Variants in BBS9 observed in about 807,000 individuals in gnomAD.
The protein encoded by BBS9 is Bardet-Biedl syndrome 9, also known as protein PTHB1.
A neutral mutation model predicts 117.7 loss-of-function variants in BBS9; 89 were observed. The ratio of observed to expected loss-of-function variants is 0.76; its 90% CI spans 0.64 to 0.90. The LOEUF is 0.90. BBS9 is among the 40% of genes least tolerant of loss of function. The pLI is 0.00. For missense variants in BBS9, 982 were observed against 1,042.2 expected (o/e 0.94, Z 0.80); for synonymous variants, 379 against 370.9 (o/e 1.02, Z -0.25).
At chr7:33,394,327 A>G (rs557879790) in intron 19 of BBS9, among the ~76,000 whole-genome samples, 1 of 152,226 alleles carries the variant, frequency 6.6e-6, no homozygotes, top group Admixed American at 6.5e-5. Flanking sequence ...AGATATTCTC[A>G]CTTAAAAGTG....
At chr7:33,357,173 T>A (rs906088576) in intron 15 of BBS9, among the ~76,000 whole-genome samples, 3 of 151,828 alleles carry the variant, frequency 2.0e-5, no homozygotes, top group Admixed American at 1.3e-4. Context: ...TATGCATGTA[T>A]GAGTATTAAA....
At chr7:33,138,743 T>G (rs1466005408) in intron 1 of BBS9, among the ~76,000 whole-genome samples, 1 of 150,720 alleles carries the variant, frequency 6.6e-6, no homozygotes, top group Non-Finnish European at 1.5e-5. Context: ...TAGTGGAGAC[T>G]GGCTAATATT....
intron 19 of BBS9, among the ~76,000 whole-genome samples, chr7:33,408,060 C>G (rs546269346): frequency 1.3e-5 from 2 of 152,354 alleles, no homozygotes; most frequent in South Asian, 2.1e-4. Context: ...CAGAGGCAGG[C>G]AGGCCTCCTG....
intron 1 of BBS9, among the ~76,000 whole-genome samples, chr7:33,137,806 A>G (rs76186476): frequency 0.013 from 1,919 of 152,360 alleles, 38 homozygotes; most frequent in African/African-American, 0.043. Flanking sequence ...ACAATGGTGC[A>G]TGATAACACT....
In BBS9 at chr7:33,216,648, T is replaced by C. The variant is rs897749962; in HGVS notation, c.442+39057T>C. On this transcript the variant is annotated intron_variant, in intron 5 of 22. Coordinates refer to ENST00000242067, the MANE Select transcript of BBS9 (RefSeq NM_198428.3). ...GTTTACAGTGGTTGGCTTTGTCACA[T>C]AGTCATAGTTTGTGGGAGAATCTTG... 4.8e-4 allele frequency among the ~76,000 whole-genome samples: 73 copies of C among 152,344 alleles called. 1 individual carries two copies. The highest frequency in any genetic ancestry group is 6.8e-3 in the Middle Eastern group (2 of 294).
intron 5 of BBS9, among the ~76,000 whole-genome samples, chr7:33,247,441 C>T (rs1583862176): frequency 6.6e-6 from 1 of 152,166 alleles, no homozygotes; most frequent in East Asian, 1.9e-4. Context: ...ACCAGTGTCT[C>T]TCTGCACCCA....
chr7:33,624,200 A>G (rs1009876425), intron 21 of BBS9, among the ~76,000 whole-genome samples: 26 of 152,214 alleles, frequency 1.7e-4, no homozygotes, highest in Non-Finnish European at 4.4e-5. Flanking sequence ...TAAGAAAACA[A>G]TGGCTATTTT....
At chr7:33,163,229 G>T (rs1396293738) in intron 4 of BBS9, among the ~76,000 whole-genome samples, 1 of 152,162 alleles carries the variant, frequency 6.6e-6, no homozygotes, top group Non-Finnish European at 1.5e-5. Context: ...GATTTGGTAT[G>T]CCAGTATTCT....
intron 21 of BBS9, among the ~76,000 whole-genome samples, chr7:33,627,576 G>A (rs533354298): frequency 2.0e-5 from 3 of 152,318 alleles, no homozygotes; most frequent in East Asian, 1.9e-4. Flanking sequence ...ATTCCAGCCC[G>A]TGAAAGCAGC....
intron 19 of BBS9, among the ~76,000 whole-genome samples, chr7:33,413,747 C>T (rs993002368): frequency 5.3e-5 from 8 of 152,120 alleles, no homozygotes; most frequent in Non-Finnish European, 7.4e-5. Context: ...CCAGGCCGGG[C>T]GCAGTGGCTC....
At chr7:33,551,862 T>C (rs557168520) in intron 21 of BBS9, among the ~76,000 whole-genome samples, 81 of 152,308 alleles carry the variant, frequency 5.3e-4, no homozygotes, top group African/African-American at 1.9e-3. Context: ...CATATTGTAT[T>C]ATTTGAGACA....
intron 21 of BBS9, among the ~76,000 whole-genome samples, chr7:33,580,908 A>G (rs373137399): frequency 6.6e-6 from 1 of 152,298 alleles, no homozygotes; most frequent in South Asian, 2.1e-4. Context: ...CTCTCTCTGC[A>G]TTGTGAACCA....
At chr7:33,516,364 C>A (rs1847792426) in intron 20 of BBS9, among the ~76,000 whole-genome samples, 1 of 151,670 alleles carries the variant, frequency 6.6e-6, no homozygotes, top group Non-Finnish European at 1.5e-5. Flanking sequence ...TGGCAGGCAC[C>A]TGTAATCCCA....
chr7:33,336,550 C>G lies in BBS9; in HGVS notation c.1126C>G (p.Leu376Val). The change falls in exon 10 of 23, where the codon CTA becomes GTA. Residue 376 changes from leucine (L) to valine (V), a missense_variant. Coordinates refer to ENST00000242067, the MANE Select transcript of BBS9 (RefSeq NM_198428.3). The stretch of plus-strand genomic sequence containing the variant: ...AGCTCCAAACGTTCAATCTCGAGAA[C>G]TAAACTATGATGAACTTGATGTAGA... ...FQAPNVQSRE[L>V]NYDELDVEMK... The G allele has an allele frequency of 6.2e-7, 1 of 1,613,196 alleles. No individual in the cohort carries two copies.
intron 16 of BBS9, among the ~76,000 whole-genome samples, chr7:33,364,866 C>T (rs1821369950): frequency 6.6e-6 from 1 of 150,894 alleles, no homozygotes. Context: ...GTAGCTGGGA[C>T]TACAGGTGCA....
chr7:33,210,774 G>A (rs1037222081), intron 5 of BBS9, among the ~76,000 whole-genome samples: 2 of 151,874 alleles, frequency 1.3e-5, no homozygotes, highest in African/African-American at 2.4e-5. Flanking sequence ...CCTCTGCCTC[G>A]GTCTCCCAAA....
At chr7:33,559,879 TC>T (rs1855839028) in intron 21 of BBS9, among the ~76,000 whole-genome samples, 1 of 152,140 alleles carries the variant, frequency 6.6e-6, no homozygotes, top group South Asian at 2.1e-4. Flanking sequence ...ATGCATATTC[TC>T]CTTTGTTCCC....
intron 5 of BBS9, among the ~76,000 whole-genome samples, chr7:33,222,815 T>C (rs1365292072): frequency 1.3e-5 from 2 of 151,814 alleles, no homozygotes; most frequent in Non-Finnish European, 2.9e-5. Flanking sequence ...TAGCAGGGCG[T>C]AGTGGTGCAT....
rs79653269 is a variant in BBS9 at position 33,202,143 on chromosome 7, G to A, written c.442+24552G>A. 0.018 allele frequency among the ~76,000 whole-genome samples: 2,727 copies of A among 152,276 alleles called. 218 individuals are homozygous for A. In the East Asian group the frequency reaches 0.27, roughly 15 times the overall value. On this transcript the variant is annotated intron_variant, in intron 5 of 22. Transcript: ENST00000242067. ...TGGGAATTATAAGGAGAGTGGCAAT[G>A]TTCGATAGGGCTCTGTCTCAATTTC...
Sources: gnomAD v4.1 joint callset for allele counts (sites outside exome capture counted in the v4.1 genomes callset) on GRCh38, gnomAD v4.1.1 for gene constraint, MANE v1.5 for transcripts, NCBI Gene and HGNC (gene_info 2026-07-23, HGNC 2026-07-21) for gene names.